Variants in CSMD1 observed in about 807,000 individuals in gnomAD.
CSMD1 encodes CUB and Sushi multiple domains 1, also known as CUB and sushi domain-containing protein 1.
In CSMD1, 213 loss-of-function variants were observed where a neutral mutation model predicts 417.5. The ratio of observed to expected loss-of-function variants is 0.51; its 90% confidence interval spans 0.46 to 0.57. The LOEUF (loss-of-function observed/expected upper bound fraction) is 0.57. Ranked by LOEUF, CSMD1 falls within the 20% of genes least tolerant of loss-of-function variation. CSMD1 has a pLI of 0.00. For synonymous variants in CSMD1, 2,862 were observed against 1,736.8 expected, an observed-to-expected ratio of 1.65 and a Z score of -16.11; for missense variants, 6,923 against 4,529.7, an observed-to-expected ratio of 1.53 and a Z score of -15.17.
At chr8:3,521,881 C>G (rs934923421) in intron 10 of CSMD1, among the ~76,000 whole-genome samples, 4 of 152,086 alleles carry the variant, frequency 2.6e-5, no homozygotes, top group African/African-American at 9.7e-5. Context: ...CAGTTTGATG[C>G]CAAATTTTGT....
intron 5 of CSMD1, among the ~76,000 whole-genome samples, chr8:3,918,929 T>C (rs1375240560): frequency 7.7e-6 from 1 of 130,456 alleles, no homozygotes; most frequent in African/African-American, 2.6e-5. Flanking sequence ...GGGTTCAGTG[T>C]GGGCTGCTCG....
intron 21 of CSMD1, among the ~76,000 whole-genome samples, chr8:3,355,354 T>G (rs1425287049): frequency 6.6e-6 from 1 of 152,204 alleles, no homozygotes; most frequent in African/African-American, 2.4e-5. Flanking sequence ...TTTATCTCCA[T>G]CATATATACT....
chr8:3,573,116 G>A (rs1017674596), intron 10 of CSMD1, among the ~76,000 whole-genome samples: 1 of 151,966 alleles, frequency 6.6e-6, no homozygotes, highest in African/African-American at 2.4e-5. Flanking sequence ...TTTATCTTAT[G>A]CTTGTTTCTG....
chr8:4,444,639 T>C (rs770730627), intron 2 of CSMD1, among the ~76,000 whole-genome samples: 12 of 152,194 alleles, frequency 7.9e-5, no homozygotes, highest in South Asian at 2.1e-4. Context: ...ACATGGTTAT[T>C]ATCATTCAGG....
At chr8:4,532,503 C>A (rs1457087493) in intron 2 of CSMD1, among the ~76,000 whole-genome samples, 2 of 149,922 alleles carry the variant, frequency 1.3e-5, no homozygotes, top group African/African-American at 5.0e-5. Context: ...AAATCCCGCA[C>A]CCCCATTCAG....
intron 3 of CSMD1, among the ~76,000 whole-genome samples, chr8:4,067,608 T>C (rs1799319889): frequency 6.6e-6 from 1 of 152,220 alleles, no homozygotes; most frequent in Non-Finnish European, 1.5e-5. Flanking sequence ...TCAATTCTTT[T>C]ATTCATCCAA....
chr8:3,942,201 T>C (rs1033933256), intron 5 of CSMD1, among the ~76,000 whole-genome samples: 3 of 152,024 alleles, frequency 2.0e-5, no homozygotes, highest in Admixed American at 6.6e-5. Flanking sequence ...TTCTACATTA[T>C]GGTGACTTGT....
chr8:3,283,936 G>C lies in CSMD1; in HGVS notation c.4153+208C>G, dbSNP rs1542103. Reference sequence around the variant, plus strand: ...GAGTTTGGTTATGCATTTCTCTTAAGCTGGCTTCTGTTATCGTGGCCTCAG... The same window carrying C: ...GAGTTTGGTTATGCATTTCTCTTAACCTGGCTTCTGTTATCGTGGCCTCAG... On this transcript the variant is annotated intron_variant, in intron 26 of 69. Coordinates refer to ENST00000635120, the MANE Select transcript of CSMD1 (RefSeq NM_033225.6). Among the ~76,000 whole-genome samples the C allele has an allele frequency of 0.72, 109,375 of 152,198 alleles. 40,282 individuals are homozygous for C. The highest frequency in any genetic ancestry group is 0.82 in the Admixed American group (12,600 of 15,300).
chr8:4,729,818 C>T (rs942732595), intron 1 of CSMD1, among the ~76,000 whole-genome samples: 59 of 152,270 alleles, frequency 3.9e-4, no homozygotes, highest in African/African-American at 1.3e-3. Context: ...TTTTCCATTG[C>T]AATCACAGTA....
intron 3 of CSMD1, among the ~76,000 whole-genome samples, chr8:4,113,629 C>A (rs184981906): frequency 2.0e-5 from 3 of 152,194 alleles, no homozygotes; most frequent in South Asian, 2.1e-4. Context: ...TGGTCTTGAA[C>A]TCCTGACCTC....
chr8:3,730,319 A>G (rs1362493503), intron 6 of CSMD1, among the ~76,000 whole-genome samples: 4 of 151,988 alleles, frequency 2.6e-5, no homozygotes, highest in African/African-American at 9.7e-5. Flanking sequence ...ATGTAGATAA[A>G]TGAACACACT....
chr8:3,524,460 C>T (rs576752609), intron 10 of CSMD1, among the ~76,000 whole-genome samples: 8 of 151,748 alleles, frequency 5.3e-5, no homozygotes, highest in African/African-American at 1.7e-4. Flanking sequence ...TGCACATATG[C>T]ATGCACACCC....
intron 51 of CSMD1, among the ~76,000 whole-genome samples, chr8:3,019,344 C>A (rs564893174): frequency 6.6e-6 from 1 of 152,314 alleles, no homozygotes. Flanking sequence ...CTCTACCTTT[C>A]TTTCCATATC....
At chr8:3,818,243 G>A (rs1180181704) in intron 5 of CSMD1, among the ~76,000 whole-genome samples, 1 of 152,048 alleles carries the variant, frequency 6.6e-6, no homozygotes, top group Non-Finnish European at 1.5e-5. Context: ...CAGCCCCTGG[G>A]TCCGTGCAGC....
At chr8:3,003,958 C>T (rs938731808) in intron 52 of CSMD1, among the ~76,000 whole-genome samples, 1 of 152,160 alleles carries the variant, frequency 6.6e-6, no homozygotes, top group Non-Finnish European at 1.5e-5. Context: ...CCATTTGCAT[C>T]CTGTCCAGCT....
chr8:4,583,268 C>G (rs1371361483), intron 2 of CSMD1, among the ~76,000 whole-genome samples: 1 of 152,228 alleles, frequency 6.6e-6, no homozygotes, highest in African/African-American at 2.4e-5. Context: ...GTGCGGGACC[C>G]ACCGAGTGAA....
intron 1 of CSMD1, among the ~76,000 whole-genome samples, chr8:4,715,890 C>A (rs1474082077): frequency 2.0e-5 from 3 of 152,174 alleles, no homozygotes; most frequent in Non-Finnish European, 4.4e-5. Context: ...TTGGCTCTGT[C>A]CTGGTTCCTC....
chr8:4,730,663 C>A (rs964589806), intron 1 of CSMD1, among the ~76,000 whole-genome samples: 1 of 151,972 alleles, frequency 6.6e-6, no homozygotes. Context: ...ATGGTGTGAA[C>A]CCGGGAAGCG....
At chr8:4,219,170 TCTCCC>T (rs900111686) in intron 3 of CSMD1, among the ~76,000 whole-genome samples, 1 of 152,170 alleles carries the variant, frequency 6.6e-6, no homozygotes, top group Non-Finnish European at 1.5e-5. Flanking sequence ...TGTGTTCCCA[TCTCCC>T]CTCCCGTGTT....
Sources: allele counts gnomAD v4.1 joint callset (sites outside exome capture counted in the v4.1 genomes callset), GRCh38; gene constraint gnomAD v4.1.1; transcripts MANE v1.5; gene names NCBI Gene and HGNC (gene_info 2026-07-23, HGNC 2026-07-21).